The following PTPRS variants were observed in gnomAD, a reference collection of about 807,000 sequenced individuals.
The protein encoded by PTPRS is protein tyrosine phosphatase receptor type S.
In PTPRS, 63 loss-of-function variants were observed where a neutral mutation model predicts 215.3. The ratio of observed to expected loss-of-function variants is 0.29; its 90% CI spans 0.24 to 0.36. The LOEUF is 0.36. Ranked by LOEUF, PTPRS falls within the 10% of genes least tolerant of loss-of-function variation. The probability of loss-of-function intolerance (pLI) is 1.00; values close to 1 mark genes in which losing one functional copy is unlikely to be tolerated. For synonymous variants in PTPRS, 1,404 were observed against 1,191.4 expected (o/e 1.18, Z -3.68); for missense variants, 2,258 against 2,825.8 (o/e 0.80, Z 4.56).
rs1232835975 is a variant in PTPRS, at chr19:5,326,778, AGAAG to A, written c.-95+13882_-95+13885del. Among the ~76,000 whole-genome samples, 5 of 67,710 alleles carry A rather than the reference AGAAG, an allele frequency of 7.4e-5. No homozygotes were observed. In the East Asian group the frequency reaches 8.4e-4, roughly 11 times the overall value. 44.4% of individuals were successfully genotyped at this position (67,710 alleles called of 152,430 possible). On this transcript the variant is annotated intron_variant, in intron 1 of 37. Transcript: ENST00000262963. The stretch of plus-strand genomic sequence containing the variant: ...GAGAAGGAAGGAGAAAGAAGGGAAG[AGAAG>A]GAAGGAAGGAGGGAGGGAGGGAGGG...
Position 5,208,395 on chromosome 19 carries a change from G to A in PTPRS, c.5488-4C>T. 6.4e-7 allele frequency: 1 copy of A among 1,573,684 alleles called. No homozygotes were observed. The highest frequency in any genetic ancestry group is 8.6e-7 in the Non-Finnish European group (1 of 1,157,834). ...GGACAGTCCGGGACTGGCCATCCTAGAGTGCAGAGAGCCCAATCTTGTTAT... is the reference window on the plus strand; with the variant it reads ...GGACAGTCCGGGACTGGCCATCCTAAAGTGCAGAGAGCCCAATCTTGTTAT... On this transcript the variant is annotated splice_region_variant and splice_polypyrimidine_tract_variant and intron_variant, in intron 35 of 37. Coordinates refer to ENST00000262963, the MANE Select transcript of PTPRS (RefSeq NM_002850.4).
intron 1 of PTPRS, among the ~76,000 whole-genome samples, chr19:5,327,664 G>A (rs1243395398): frequency 6.6e-6 from 1 of 152,080 alleles, no homozygotes; most frequent in Non-Finnish European, 1.5e-5. Context: ...AATGGGGCAT[G>A]ATCATAGCTC....
At chr19:5,279,933 T>C (rs537557578) in intron 2 of PTPRS, among the ~76,000 whole-genome samples, 17 of 152,304 alleles carry the variant, frequency 1.1e-4, no homozygotes, top group East Asian at 9.7e-4. Context: ...TCCACCCACC[T>C]TGGCCTCCCA....
At chr19:5,264,936 G>A (rs2046294097) in intron 5 of PTPRS, 72 bp downstream of exon 5, 12 of 1,525,260 alleles carry the variant, frequency 7.9e-6, no homozygotes, top group African/African-American at 1.4e-5. Context: ...CCCAGAACTT[G>A]GGCCCTGGAG....
intron 1 of PTPRS, among the ~76,000 whole-genome samples, chr19:5,328,302 G>T (rs1387259841): frequency 3.3e-5 from 5 of 151,968 alleles, no homozygotes; most frequent in African/African-American, 1.2e-4. Flanking sequence ...TAGAGACTGG[G>T]TTTCACCATG....
intron 20 of PTPRS, among the ~76,000 whole-genome samples, 184 bp from the exon 21 acceptor site, chr19:5,220,537 A>C (rs1271887419): frequency 1.3e-5 from 2 of 152,190 alleles, no homozygotes; most frequent in African/African-American, 4.8e-5. Flanking sequence ...GCCTTGGATG[A>C]TGCTGTACTT....
At chr19:5,254,853 G>T (rs1490350665) in intron 9 of PTPRS, among the ~76,000 whole-genome samples, 1 of 152,188 alleles carries the variant, frequency 6.6e-6, no homozygotes, top group Non-Finnish European at 1.5e-5. Flanking sequence ...GGGCACTTCT[G>T]GATTGGTACC....
chr19:5,285,714 C>T (rs946785287), intron 2 of PTPRS, among the ~76,000 whole-genome samples: 2 of 152,206 alleles, frequency 1.3e-5, no homozygotes, highest in Non-Finnish European at 2.9e-5. Context: ...ACAGAACTGG[C>T]ACACTGGGTT....
intron 1 of PTPRS, among the ~76,000 whole-genome samples, chr19:5,315,350 GGTTTTTTTTTT>G (rs1293294991): frequency 0.042 from 4,289 of 101,170 alleles, 509 homozygotes; most frequent in African/African-American, 0.15. Context: ...ATTTGAAAAG[GGTTTTTTTTTT>G]TTTTTTTTTT....
At chr19:5,274,369 G>A (rs1399945191) in intron 2 of PTPRS, 25 bp from the exon 3 acceptor site, 4 of 1,595,910 alleles carry the variant, frequency 2.5e-6, no homozygotes, top group East Asian at 4.5e-5. Flanking sequence ...GAAAGAAGGG[G>A]GGGCGCTGAT....
At chr19:5,220,493 C>T in intron 20 of PTPRS, 140 bp from the exon 21 acceptor site, 1 of 718,172 alleles carries the variant, frequency 1.4e-6, no homozygotes, top group Non-Finnish European at 2.4e-6. Context: ...ATGCCCCATC[C>T]ACAAACGCCA....
chr19:5,246,142 AAGC>A (rs1453205848), intron 9 of PTPRS, 97 bp from the exon 10 acceptor site: 1 of 632,752 alleles, frequency 1.6e-6, no homozygotes, highest in Admixed American at 4.2e-5. Context: ...AGAAAAAGAA[AAGC>A]AGGAAGGAAG....
chr19:5,214,445 C>G lies in PTPRS; in HGVS notation c.4530G>C (p.Thr1510=), dbSNP rs375341025. The part of the protein sequence containing the change: ...KCDQYWPNRG[T]ETYGFIQVTL... ...TGACCTGGATGAAGCCGTAGGTCTC[C>G]GTGCCTCTGTTGGGCCAATACTGAT... is the stretch of plus-strand genomic sequence containing the variant. The change falls in exon 30 of 38, where the codon ACG becomes ACC. Residue 1510 remains threonine, a synonymous_variant. Transcript: ENST00000262963. 2 of 1,614,132 alleles carry G rather than the reference C, an allele frequency of 1.2e-6. No homozygotes were observed. Among genetic ancestry groups the G allele is most frequent in the Admixed American group, 1.7e-5 (1 of 60,018 alleles).
chr19:5,215,200 A>G (rs2041309809), intron 28 of PTPRS, 89 bp downstream of exon 28: 5 of 1,543,844 alleles, frequency 3.2e-6, no homozygotes, highest in Admixed American at 3.5e-5. Flanking sequence ...GACCAGAATC[A>G]GGCCTCAGTG....
At chr19:5,262,326 A>C (rs1007763091) in intron 6 of PTPRS, among the ~76,000 whole-genome samples, 10 of 152,348 alleles carry the variant, frequency 6.6e-5, no homozygotes, top group Middle Eastern at 3.4e-3. Flanking sequence ...TATTCTATCA[A>C]GTGGAAACAA....
intron 2 of PTPRS, among the ~76,000 whole-genome samples, chr19:5,285,380 C>T (rs1260168716): frequency 1.3e-5 from 2 of 152,228 alleles, no homozygotes; most frequent in African/African-American, 2.4e-5. Flanking sequence ...TCATCCTCTT[C>T]ACATTACAGC....
intron 7 of PTPRS, among the ~76,000 whole-genome samples, chr19:5,260,153 G>A (rs2045871899): frequency 6.6e-6 from 1 of 152,008 alleles, no homozygotes; most frequent in African/African-American, 2.4e-5. Flanking sequence ...GGAGCTGGAA[G>A]GCCCACTTTG....
At chr19:5,238,058 G>A (rs896710256) in intron 13 of PTPRS, among the ~76,000 whole-genome samples, 7 of 152,326 alleles carry the variant, frequency 4.6e-5, no homozygotes, top group African/African-American at 1.4e-4. Context: ...TGGGTGAAGG[G>A]AGGGAAGAGG....
chr19:5,231,288 C>T lies in PTPRS; in HGVS notation c.2155+22G>A, dbSNP rs201556849. 1,892 of 1,580,970 alleles carry T rather than the reference C, an allele frequency of 1.2e-3. 4 individuals carry two copies. The highest frequency in any genetic ancestry group is 1.2e-3 in the Non-Finnish European group (1,427 of 1,166,342). On this transcript the variant is annotated intron_variant, in intron 14 of 37. Coordinates refer to ENST00000262963, the MANE Select transcript of PTPRS (RefSeq NM_002850.4). ...CCGGGCTGGGGCCTGCGGGGGGTCCCGGGCCTGGGGCAGGTACTTACCATC... is the reference window on the plus strand; with the variant it reads ...CCGGGCTGGGGCCTGCGGGGGGTCCTGGGCCTGGGGCAGGTACTTACCATC...
Sources: allele counts gnomAD v4.1 joint callset (sites outside exome capture counted in the v4.1 genomes callset), GRCh38; gene constraint gnomAD v4.1.1; transcripts MANE v1.5; gene names NCBI Gene and HGNC (gene_info 2026-07-23, HGNC 2026-07-21).